The following ISCU variants were observed in gnomAD, a reference collection of about 807,000 sequenced individuals.
ISCU encodes iron-sulfur cluster assembly enzyme.
In ISCU, 13 loss-of-function variants were observed where a neutral mutation model predicts 18.4. The observed-to-expected ratio is 0.71, with a 90% CI of 0.46 to 1.12. The LOEUF is 1.12. Among genes scored for constraint, ISCU ranks in the 50% most tolerant of loss-of-function variants. The pLI, the probability that ISCU is intolerant of heterozygous loss-of-function variation, is 0.00. For missense variants in ISCU, 229 were observed against 208.7 expected, an observed-to-expected ratio of 1.10 and a Z score of -0.60; for synonymous variants, 104 against 87.5, an observed-to-expected ratio of 1.19 and a Z score of -1.06.
At chr12:108,567,891 C>T in intron 4 of ISCU, 1 of 1,419,026 alleles carries the variant, frequency 7.0e-7, no homozygotes, top group Non-Finnish European at 9.6e-7. Context: ...AAATCTAATG[C>T]TTTTTCCATC....
rs780992137 is a variant in ISCU, at chr12:108,562,648, T to G, written c.26T>G (p.Leu9Arg). Residue 9 changes from leucine to arginine, a missense_variant, in exon 1 of 5, where the codon CTG (leucine) becomes CGG (arginine). By Grantham distance (102) the Leu-to-Arg change is moderately radical. Coordinates refer to ENST00000311893, the MANE Select transcript of ISCU (RefSeq NM_213595.4). MAAAGAFR[L>R]RRAASALLLR... ...ATGGCGGCGGCTGGGGCTTTCCGTCTGAGGCGGGCGGCATCGGCTCTGCTG... is the reference window on the plus strand; with the variant it reads ...ATGGCGGCGGCTGGGGCTTTCCGTCGGAGGCGGGCGGCATCGGCTCTGCTG... The G allele has an allele frequency of 6.8e-7, 1 of 1,463,232 alleles. No homozygotes were observed. Among genetic ancestry groups the G allele is most frequent in the Non-Finnish European group, 9.0e-7 (1 of 1,113,668 alleles). 90.6% of individuals were successfully genotyped at this position (1,463,232 alleles called of 1,614,324 possible).
chr12:108,562,586 G>A (rs867206869), upstream of ISCU: 11 of 1,224,036 alleles, frequency 9.0e-6, no homozygotes, highest in Admixed American at 3.8e-4. Flanking sequence ...CCGCCCCTCG[G>A]CGTCGCTCTG....
intron 4 of ISCU, 196 bp from the exon 5 acceptor site, chr12:108,568,635 A>G: frequency 6.9e-7 from 1 of 1,439,952 alleles, no homozygotes; most frequent in South Asian, 1.5e-5. Context: ...GTCTGTCTCC[A>G]GGATCACCCG....
In ISCU at chr12:108,569,145, T is replaced by G. The variant is rs2031038158; in HGVS notation, c.*229T>G. The G allele has an allele frequency of 5.5e-6, 3 of 549,746 alleles. No homozygotes were observed. The highest frequency in any genetic ancestry group is 9.8e-6 in the Non-Finnish European group (3 of 306,058). 34.1% of individuals were successfully genotyped at this position (549,746 alleles called of 1,614,324 possible). Reference sequence around the variant, plus strand: ...TTATCGCCTTAACCTAGTTAATGTATATTTTGAATTGTGTGTATGACCTCA... The same window carrying G: ...TTATCGCCTTAACCTAGTTAATGTAGATTTTGAATTGTGTGTATGACCTCA... On this transcript the variant is annotated 3_prime_UTR_variant, in exon 5 of 5. Transcript: ENST00000311893.
upstream of ISCU, chr12:108,562,518 A>C (rs796842009): frequency 6.0e-4 from 358 of 596,312 alleles, no homozygotes; most frequent in African/African-American, 6.1e-3. Context: ...GCAGGCGCAA[A>C]GCTTCGGTGA....
At chr12:108,568,403 G>A (rs1008757984) in intron 4 of ISCU, 16 of 1,093,868 alleles carry the variant, frequency 1.5e-5, no homozygotes, top group Non-Finnish European at 1.7e-5. Flanking sequence ...TTTCCAAAGG[G>A]CATGTCAACT....
intron 4 of ISCU, chr12:108,568,254 G>A: frequency 8.5e-7 from 1 of 1,181,844 alleles, no homozygotes; most frequent in Non-Finnish European, 1.0e-6. Context: ...GCTTTCTGCT[G>A]TCATTCCAGC....
At chr12:108,561,649 G>T (rs906741780), upstream of ISCU, among the ~76,000 whole-genome samples, 1 of 152,206 alleles carries the variant, frequency 6.6e-6, no homozygotes, top group African/African-American at 2.4e-5. Context: ...CCATTTCCCA[G>T]ATTCCTCCCC....
At chr12:108,568,365 A>G (rs1166289355) in intron 4 of ISCU, 1 of 1,089,702 alleles carries the variant, frequency 9.2e-7, no homozygotes, top group Non-Finnish European at 1.1e-6. Flanking sequence ...GGCAAATGCC[A>G]TCCCATCAAC....
In ISCU at chr12:108,563,244, C is replaced by T. The variant is rs140906882; in HGVS notation, c.114+508C>T. 7.7e-3 allele frequency: 1,183 copies of T among 152,858 alleles called. 11 individuals carry two copies. The highest frequency in any genetic ancestry group is 0.027 in the African/African-American group (1,123 of 41,572). 9.5% of individuals were successfully genotyped at this position (152,858 alleles called of 1,614,324 possible). A position where few individuals can be genotyped will look rare whatever the true frequency, so the allele number is the denominator to read the frequency against. ...CAGCACGAGGAGACCGTTTCTGTTA[C>T]TGCTTTAGGAGTGCATAGGGGAGTC... On this transcript the variant is annotated intron_variant, in intron 1 of 4. Coordinates refer to ENST00000311893, the MANE Select transcript of ISCU (RefSeq NM_213595.4).
intron 3 of ISCU, among the ~76,000 whole-genome samples, chr12:108,565,960 G>A (rs2030878514): frequency 6.6e-6 from 1 of 152,236 alleles, no homozygotes; most frequent in African/African-American, 2.4e-5. Context: ...ATAATAAAGA[G>A]CTAGAACTTC....
intron 4 of ISCU, chr12:108,568,178 C>T (rs1414070916): frequency 1.5e-6 from 2 of 1,294,864 alleles, no homozygotes; most frequent in Non-Finnish European, 9.8e-7. Flanking sequence ...TCAGGAAATC[C>T]CCAGCCCTTT....
At position 108,568,622 on chromosome 12, in the gene ISCU, C is replaced by A. The variant is rs888549; in HGVS notation, c.419-209C>A. On this transcript the variant is annotated intron_variant, in intron 4 of 4. Transcript: ENST00000311893. The stretch of plus-strand genomic sequence containing the variant: ...AGCCTGGGATCACAGATTTTTAACC[C>A]TAGTCTGTCTCCAGGATCACCCGCA... The A allele has an allele frequency of 1.2e-4, 173 of 1,423,392 alleles. 1 individual carries two copies. In the African/African-American group the frequency reaches 2.0e-3, roughly 16 times the overall value. 88.2% of individuals were successfully genotyped at this position (1,423,392 alleles called of 1,614,324 possible).
chr12:108,566,582 T>A (rs2030908377), intron 3 of ISCU, among the ~76,000 whole-genome samples: 1 of 152,216 alleles, frequency 6.6e-6, no homozygotes, highest in Non-Finnish European at 1.5e-5. Context: ...CTGTTCTACA[T>A]GGGCAAGGAT....
intron 3 of ISCU, 70 bp from the exon 4 acceptor site, chr12:108,567,119 CT>C (rs1438910775): frequency 3.3e-6 from 4 of 1,209,924 alleles, no homozygotes; most frequent in African/African-American, 3.0e-5. Context: ...TTTGGCCTCC[CT>C]TTTTTATTGG....
upstream of ISCU, chr12:108,561,491 G>C (rs562753825): frequency 7.8e-6 from 2 of 256,660 alleles, no homozygotes; most frequent in South Asian, 1.3e-4. Context: ...ATCTTGAGAA[G>C]GTCAAAGTGA....
intron 1 of ISCU, 79 bp downstream of exon 1, chr12:108,562,815 A>G: frequency 1.2e-6 from 1 of 802,936 alleles, no homozygotes. Flanking sequence ...GGTTCTGCGC[A>G]GCTAGGACTG....
intron 4 of ISCU, chr12:108,567,948 T>A: frequency 7.0e-7 from 1 of 1,425,080 alleles, no homozygotes; most frequent in Non-Finnish European, 9.6e-7. Context: ...ACATTAGCCT[T>A]AATGCATCGA....
At position 108,567,334 on chromosome 12, in the gene ISCU, C is replaced by G. The variant is rs759885544; in HGVS notation, c.418+66C>G. On this transcript the variant is annotated intron_variant, in intron 4 of 4. Coordinates refer to ENST00000311893, the MANE Select transcript of ISCU (RefSeq NM_213595.4). Reference sequence around the variant, plus strand: ...GCAGTAATTTCAACTTGGTTTGCAACAGTCCTTTTAGATCATGGAGCCCAC... The same window carrying G: ...GCAGTAATTTCAACTTGGTTTGCAAGAGTCCTTTTAGATCATGGAGCCCAC... 17 of 1,325,964 alleles carry G rather than the reference C, an allele frequency of 1.3e-5. No homozygotes were observed. The Admixed American group carries it at 2.3e-4, about 18-fold the overall frequency. 82.1% of individuals were successfully genotyped at this position (1,325,964 alleles called of 1,614,324 possible).
Sources: allele counts gnomAD v4.1 joint callset (sites outside exome capture counted in the v4.1 genomes callset), GRCh38; gene constraint gnomAD v4.1.1; transcripts MANE v1.5; gene names NCBI Gene and HGNC (gene_info 2026-07-23, HGNC 2026-07-21).